The following TRAPPC9 variants were observed in gnomAD, a reference collection of about 807,000 sequenced individuals.
The protein encoded by TRAPPC9 is trafficking protein particle complex subunit 9.
A neutral mutation model predicts 124.0 loss-of-function variants in TRAPPC9; 83 were observed. The observed-to-expected ratio is 0.67, with a 90% confidence interval of 0.56 to 0.80. The LOEUF (loss-of-function observed/expected upper bound fraction) is 0.80. TRAPPC9 is among the 30% of genes least tolerant of loss of function. The probability of loss-of-function intolerance (pLI) is 0.00; values close to 1 mark genes in which losing one functional copy is unlikely to be tolerated. For synonymous variants in TRAPPC9, 638 were observed against 617.5 expected (o/e 1.03, Z -0.49); for missense variants, 1,302 against 1,508.3 (o/e 0.86, Z 2.27).
At chr8:140,427,558 T>A (rs532384349) in intron 4 of TRAPPC9, among the ~76,000 whole-genome samples, 1 of 152,180 alleles carries the variant, frequency 6.6e-6, no homozygotes, top group African/African-American at 2.4e-5. Flanking sequence ...TACCCAAACA[T>A]CTGTGTGATC....
intron 21 of TRAPPC9, among the ~76,000 whole-genome samples, chr8:139,771,098 G>C (rs1225022511): frequency 1.3e-5 from 2 of 152,102 alleles, no homozygotes; most frequent in African/African-American, 4.8e-5. Flanking sequence ...GCCTGCTTGG[G>C]AGCTGAAAGG....
chr8:140,007,545 G>C (rs1281841532), intron 18 of TRAPPC9, among the ~76,000 whole-genome samples: 3 of 152,054 alleles, frequency 2.0e-5, no homozygotes, highest in African/African-American at 7.2e-5. Context: ...ATTAAACAAA[G>C]AAACGAAGAG....
chr8:139,754,534 C>A (rs1288339808), intron 21 of TRAPPC9, among the ~76,000 whole-genome samples: 1 of 152,098 alleles, frequency 6.6e-6, no homozygotes, highest in African/African-American at 2.4e-5. Context: ...GACCTACATG[C>A]GGTGACTGAT....
At chr8:140,296,430 A>AT (rs1423101291) in intron 11 of TRAPPC9, among the ~76,000 whole-genome samples, 2 of 151,918 alleles carry the variant, frequency 1.3e-5, no homozygotes, top group African/African-American at 2.4e-5. Context: ...AGGCCTGGCT[A>AT]TTTTTTTGTA....
chr8:139,894,367 TG>T lies in TRAPPC9; in HGVS notation c.2965-8399del, dbSNP rs373612589. Among the ~76,000 whole-genome samples, 662 of 152,132 alleles carry T rather than the reference TG, an allele frequency of 4.4e-3. 10 individuals are homozygous for T. Among genetic ancestry groups the T allele is most frequent in the African/African-American group, 0.015 (633 of 41,518 alleles). ...GTCACCGCGCACGACTGGGTGATCC[TG>T]GGGGGGTGCTGTCCTTTCCAGGAGG... On this transcript the variant is annotated intron_variant, in intron 20 of 22. Coordinates refer to ENST00000438773, the MANE Select transcript of TRAPPC9 (RefSeq NM_001160372.4).
At chr8:139,800,147 G>T (rs115802657) in intron 21 of TRAPPC9, among the ~76,000 whole-genome samples, 2 of 152,266 alleles carry the variant, frequency 1.3e-5, no homozygotes, top group African/African-American at 4.8e-5. Flanking sequence ...CGCTCCTGCC[G>T]CTGGGGCGCC....
chr8:140,177,224 G>C (rs1196124382), intron 17 of TRAPPC9, among the ~76,000 whole-genome samples: 1 of 152,174 alleles, frequency 6.6e-6, no homozygotes, highest in East Asian at 1.9e-4. Context: ...TCTCAAGACT[G>C]AGAAGATTTT....
intron 17 of TRAPPC9, among the ~76,000 whole-genome samples, chr8:140,189,854 C>G (rs2062444477): frequency 6.6e-6 from 1 of 152,234 alleles, no homozygotes; most frequent in Non-Finnish European, 1.5e-5. Context: ...CCTCTCCACA[C>G]CTCATGCACA....
Position 140,042,679 on chromosome 8 carries a change from T to C in TRAPPC9, c.2557-18600A>G, listed in dbSNP as rs185722501. 3.9e-5 allele frequency among the ~76,000 whole-genome samples: 6 copies of C among 152,332 alleles called. No individual in the cohort carries two copies. The East Asian group carries it at 1.2e-3, about 29-fold the overall frequency. ...CGCCTGGGCCCACGCCCTCTGCAGA[T>C]GCCAGAGCAAAGCAAAGGTGGCAGA... On this transcript the variant is annotated intron_variant, in intron 17 of 22. Coordinates refer to ENST00000438773, the MANE Select transcript of TRAPPC9 (RefSeq NM_001160372.4).
intron 21 of TRAPPC9, among the ~76,000 whole-genome samples, chr8:139,786,219 CAAAT>C (rs1563811774): frequency 1.3e-5 from 2 of 152,096 alleles, no homozygotes; most frequent in Non-Finnish European, 1.5e-5. Flanking sequence ...AACAAACAAA[CAAAT>C]AAACCCAGTA....
intron 21 of TRAPPC9, among the ~76,000 whole-genome samples, chr8:139,849,264 T>C (rs1013689927): frequency 6.6e-6 from 1 of 152,156 alleles, no homozygotes; most frequent in African/African-American, 2.4e-5. Context: ...GTTGGGCCAT[T>C]AAGACACTGC....
chr8:140,103,241 G>A (rs2060611789), intron 17 of TRAPPC9, among the ~76,000 whole-genome samples: 1 of 152,160 alleles, frequency 6.6e-6, no homozygotes, highest in Non-Finnish European at 1.5e-5. Context: ...CCCTTTTTCA[G>A]AAGCATTTTT....
chr8:140,205,578 T>A (rs1028989449), intron 17 of TRAPPC9, among the ~76,000 whole-genome samples: 1 of 152,188 alleles, frequency 6.6e-6, no homozygotes, highest in Non-Finnish European at 1.5e-5. Flanking sequence ...AAATTTTAAA[T>A]CATGAATGCA....
chr8:139,739,035 ATCAT>A (rs1054941228), intron 21 of TRAPPC9, among the ~76,000 whole-genome samples: 1 of 152,080 alleles, frequency 6.6e-6, no homozygotes, highest in African/African-American at 2.4e-5. Flanking sequence ...CTAAGATCAC[ATCAT>A]TCATTTATCT....
intron 21 of TRAPPC9, among the ~76,000 whole-genome samples, chr8:139,852,482 TCTC>T (rs964946438): frequency 6.6e-5 from 10 of 152,146 alleles, no homozygotes; most frequent in African/African-American, 2.4e-4. Flanking sequence ...CAATATCTGT[TCTC>T]CTCCCTGGTC....
Position 140,324,223 on chromosome 8 carries a change from C to T in TRAPPC9, c.1496-12849G>A, listed in dbSNP as rs191744979. On this transcript the variant is annotated intron_variant, in intron 9 of 22. Coordinates refer to ENST00000438773, the MANE Select transcript of TRAPPC9 (RefSeq NM_001160372.4). Reference sequence around the variant, plus strand: ...GATGGGGGGGAAAAGATATACCACACGAACACAAGTAATAAGCATAATAAA... The same window carrying T: ...GATGGGGGGGAAAAGATATACCACATGAACACAAGTAATAAGCATAATAAA... Among the ~76,000 whole-genome samples, 6 of 152,050 alleles carry T rather than the reference C, an allele frequency of 3.9e-5. No individual in the cohort carries two copies. The East Asian group carries it at 5.8e-4, about 15-fold the overall frequency.
intron 21 of TRAPPC9, among the ~76,000 whole-genome samples, chr8:139,760,757 T>G (rs1473762556): frequency 6.6e-6 from 1 of 152,178 alleles, no homozygotes; most frequent in Non-Finnish European, 1.5e-5. Context: ...AGAGAGCACT[T>G]GTACAGAGAA....
intron 20 of TRAPPC9, among the ~76,000 whole-genome samples, chr8:139,888,493 T>C (rs1484408759): frequency 6.6e-6 from 1 of 152,118 alleles, no homozygotes; most frequent in Non-Finnish European, 1.5e-5. Flanking sequence ...AGCATCAGCC[T>C]CATCCCCATT....
chr8:140,453,166 A>T (rs1273828822), intron 1 of TRAPPC9, among the ~76,000 whole-genome samples: 2 of 152,240 alleles, frequency 1.3e-5, no homozygotes, highest in Non-Finnish European at 2.9e-5. Flanking sequence ...GCCTCGATAC[A>T]CACCTCCACT....
Sources: allele counts gnomAD v4.1 joint callset (sites outside exome capture counted in the v4.1 genomes callset), GRCh38; gene constraint gnomAD v4.1.1; transcripts MANE v1.5; gene names NCBI Gene and HGNC (gene_info 2026-07-23, HGNC 2026-07-21).